RGS12: variants seen among roughly 807,000 people sequenced by gnomAD.
RGS12 encodes regulator of G protein signaling 12.
A neutral mutation model predicts 120.1 loss-of-function variants in RGS12; 66 were observed. The observed-to-expected ratio is 0.55, with a 90% CI of 0.45 to 0.67. The LOEUF (loss-of-function observed/expected upper bound fraction) is 0.67. Among genes scored for constraint, RGS12 ranks in the 30% least tolerant of loss-of-function variants. RGS12 has a pLI of 0.00. For synonymous variants in RGS12, 827 were observed against 804.7 expected, an observed-to-expected ratio of 1.03 and a Z score of -0.47; for missense variants, 1,859 against 1,957.7, an observed-to-expected ratio of 0.95 and a Z score of 0.95.
intron 10 of RGS12, among the ~76,000 whole-genome samples, chr4:3,421,244 A>G (rs1001787042): frequency 6.6e-6 from 1 of 152,218 alleles, no homozygotes; most frequent in Non-Finnish European, 1.5e-5. Context: ...GAGCAGGCGC[A>G]GGCAGGACTC....
intron 2 of RGS12, among the ~76,000 whole-genome samples, chr4:3,335,539 G>A (rs1383193074): frequency 6.6e-6 from 1 of 152,164 alleles, no homozygotes; most frequent in Non-Finnish European, 1.5e-5. Flanking sequence ...GCTCCCCGGA[G>A]CTGGCAAGGC....
intron 1 of RGS12, among the ~76,000 whole-genome samples, chr4:3,301,768 G>GT (rs773710419): frequency 3.2e-4 from 49 of 152,078 alleles, no homozygotes; most frequent in Non-Finnish European, 1.3e-4. Flanking sequence ...GAATGAAGGG[G>GT]TGGGGGGCGC....
At chr4:3,386,626 GT>G (rs917896883) in intron 4 of RGS12, among the ~76,000 whole-genome samples, 189 bp downstream of exon 4, 2 of 152,148 alleles carry the variant, frequency 1.3e-5, no homozygotes, top group African/African-American at 2.4e-5. Context: ...CTCGGCGTGT[GT>G]TTTGGAAGCT....
intron 2 of RGS12, among the ~76,000 whole-genome samples, chr4:3,328,300 G>A (rs554009653): frequency 6.6e-6 from 1 of 152,334 alleles, no homozygotes; most frequent in East Asian, 1.9e-4. Flanking sequence ...AACGTATGTT[G>A]CACAGACTGT....
In RGS12 at chr4:3,430,489, G is replaced by T; in HGVS notation, c.3648G>T (p.Leu1216Phe). The T allele has an allele frequency of 6.2e-7, 1 of 1,613,846 alleles. No homozygotes were observed. Among genetic ancestry groups the T allele is most frequent in the Non-Finnish European group, 8.5e-7 (1 of 1,180,026 alleles). Reference protein sequence around the residue: ...RGLLRKEDLVLPEFLRLPPGS... With the variant: ...RGLLRKEDLVFPEFLRLPPGS... ...TGCTAAGGAAGGAAGACCTGGTGTT[G>T]CCAGAGTTCCTCCGTTTACCTCCTG... Residue 1216 changes from leucine to phenylalanine, a missense_variant, in exon 17 of 18, where the codon TTG becomes TTT. Coordinates refer to ENST00000336727, the MANE Select transcript of RGS12 (RefSeq NM_001394154.1).
chr4:3,306,279 G>A (rs993500528), intron 1 of RGS12, among the ~76,000 whole-genome samples: 1 of 152,234 alleles, frequency 6.6e-6, no homozygotes, highest in Non-Finnish European at 1.5e-5. Flanking sequence ...GCTGGCTGGA[G>A]CATTGGGGGC....
At chr4:3,435,752 G>A (rs1272273543) in intron 17 of RGS12, among the ~76,000 whole-genome samples, 2 of 151,902 alleles carry the variant, frequency 1.3e-5, no homozygotes, top group African/African-American at 4.8e-5. Flanking sequence ...CTCCTCCCCT[G>A]AAGTGTCTGC....
intron 4 of RGS12, among the ~76,000 whole-genome samples, chr4:3,400,899 T>C (rs915045114): frequency 5.9e-5 from 9 of 151,606 alleles, no homozygotes; most frequent in African/African-American, 2.2e-4. Flanking sequence ...GAGCCAGGAA[T>C]AGGCAAGGAT....
intron 13 of RGS12, 65 bp downstream of exon 13, chr4:3,423,706 T>C: frequency 6.4e-7 from 1 of 1,558,538 alleles, no homozygotes. Context: ...TGGCAGCCTC[T>C]GTGTTGTTCA....
chr4:3,338,701 C>T (rs1001269628), intron 2 of RGS12, among the ~76,000 whole-genome samples: 2 of 152,112 alleles, frequency 1.3e-5, no homozygotes, highest in African/African-American at 4.8e-5. Context: ...GTGTGGTGGC[C>T]GAAGGCTGGG....
intron 3 of RGS12, among the ~76,000 whole-genome samples, chr4:3,344,737 G>C (rs1007536670): frequency 6.6e-6 from 1 of 152,202 alleles, no homozygotes; most frequent in Non-Finnish European, 1.5e-5. Flanking sequence ...TCTCCACCAG[G>C]GCCCTGCTGC....
At position 3,433,495 on chromosome 4, in the gene RGS12, C is replaced by T. The variant is rs1322613116; in HGVS notation, c.4114+2540C>T. On this transcript the variant is annotated intron_variant, in intron 17 of 17. Transcript: ENST00000336727. This position sits in a 1 kb window ranked among gnomAD's most constrained non-coding sequence, Gnocchi z 4.4. ...ACATGCCACACCACCCCATCCTAGC[C>T]CCAGCACCACGTGCCATGCCACCCT... Among the ~76,000 whole-genome samples, 1 of 151,788 alleles carries T rather than the reference C, an allele frequency of 6.6e-6. No individual in the cohort carries two copies. Among genetic ancestry groups the T allele is most frequent in the Non-Finnish European group, 1.5e-5 (1 of 67,910 alleles).
At chr4:3,334,243 A>T (rs1025306998) in intron 2 of RGS12, among the ~76,000 whole-genome samples, 1 of 152,172 alleles carries the variant, frequency 6.6e-6, no homozygotes, top group Non-Finnish European at 1.5e-5. Flanking sequence ...ATTTGTTTTC[A>T]TGAATAGGTG....
At chr4:3,331,624 A>G (rs550586807) in intron 2 of RGS12, among the ~76,000 whole-genome samples, 3 of 152,254 alleles carry the variant, frequency 2.0e-5, no homozygotes, top group East Asian at 1.9e-4. Context: ...AAAAAAAAAA[A>G]AAGTGTGGAT....
intron 3 of RGS12, among the ~76,000 whole-genome samples, chr4:3,353,497 A>G (rs1328353633): frequency 6.6e-6 from 1 of 152,186 alleles, no homozygotes; most frequent in Non-Finnish European, 1.5e-5. Flanking sequence ...TGGGTATGAC[A>G]GGGACTACCA....
rs1560178036 is a variant in RGS12, at chr4:3,429,719, C to T, written c.3566-688C>T. 2.0e-5 allele frequency among the ~76,000 whole-genome samples: 3 copies of T among 152,316 alleles called. No homozygotes were observed. The South Asian group carries it at 6.2e-4, about 32-fold the overall frequency. On this transcript the variant is annotated intron_variant, in intron 16 of 17. Transcript: ENST00000336727. ...AAGAAGCTGGAGGCACCTGCAGGCC[C>T]CCACAGTGGCTGGGCAGTGGGAGGC...
At chr4:3,313,679 G>A (rs959379378) in intron 1 of RGS12, among the ~76,000 whole-genome samples, 17 of 152,088 alleles carry the variant, frequency 1.1e-4, no homozygotes, top group African/African-American at 3.9e-4. Flanking sequence ...TCACCTTTCC[G>A]GCTTCTGGAG....
intron 2 of RGS12, among the ~76,000 whole-genome samples, chr4:3,327,782 A>C (rs1236086666): frequency 1.3e-5 from 2 of 152,250 alleles, no homozygotes; most frequent in Non-Finnish European, 2.9e-5. Context: ...TATACACTGT[A>C]GTTGGGAAGG....
intron 4 of RGS12, among the ~76,000 whole-genome samples, chr4:3,409,190 C>T (rs1721468788): frequency 6.6e-6 from 1 of 152,170 alleles, no homozygotes; most frequent in Non-Finnish European, 1.5e-5. Context: ...GGAGGGTCTG[C>T]CATGTGGTTT....
Sources: gnomAD v4.1 joint callset for allele counts (sites outside exome capture counted in the v4.1 genomes callset) on GRCh38, gnomAD v4.1.1 for gene constraint, Gnocchi (gnomAD v3.1) non-coding constraint, MANE v1.5 for transcripts, NCBI Gene and HGNC (gene_info 2026-07-23, HGNC 2026-07-21) for gene names.